The following ZNF613 variants were observed in gnomAD, a reference collection of about 807,000 sequenced individuals.
ZNF613 encodes the protein zinc finger protein 613.
Under a neutral mutation model 14.3 loss-of-function variants are expected in ZNF613, and 8 were observed. The ratio of observed to expected loss-of-function variants is 0.56; its 90% CI spans 0.33 to 1.01. The LOEUF is 1.01. ZNF613 is among the 50% of genes least tolerant of loss of function. The probability of loss-of-function intolerance (pLI) is 0.03; values close to 1 mark genes in which losing one functional copy is unlikely to be tolerated. For synonymous variants in ZNF613, 228 were observed against 254.5 expected, an observed-to-expected ratio of 0.90 and a Z score of 0.99; for missense variants, 656 against 741.9, an observed-to-expected ratio of 0.88 and a Z score of 1.35.
Position 51,937,912 on chromosome 19 carries a change from G to T in ZNF613, c.15+1677G>T, listed in dbSNP as rs534257616. ...TGCCCGGCTAATTTTTGTATTTTTAGTAGAGACAGGGTTTCACCATGTTGG... is the reference window on the plus strand; with the variant it reads ...TGCCCGGCTAATTTTTGTATTTTTATTAGAGACAGGGTTTCACCATGTTGG... On this transcript the variant is annotated intron_variant, in intron 3 of 5. Coordinates refer to ENST00000293471, the MANE Select transcript of ZNF613 (RefSeq NM_001031721.4). Among the ~76,000 whole-genome samples, 10 of 152,000 alleles carry T rather than the reference G, an allele frequency of 6.6e-5. No homozygotes were observed. The East Asian group carries it at 1.9e-3, about 29-fold the overall frequency.
intron 2 of ZNF613, among the ~76,000 whole-genome samples, chr19:51,930,553 C>T (rs909340912): frequency 3.3e-5 from 5 of 152,328 alleles, no homozygotes; most frequent in South Asian, 2.1e-4. Flanking sequence ...TGAGCCACTG[C>T]GCCCAGCCAA....
In ZNF613 at chr19:51,944,557, T is replaced by A. The variant is rs1282569929; in HGVS notation, c.674T>A (p.Val225Asp). ...KKSRLIYHQR[V>D]HTGEKPHGCS... ...TCTCGCCTCATCTATCATCAGAGAG[T>A]TCACACTGGGGAGAAACCTCATGGA... The change falls in exon 6 of 6, where the codon GTT becomes GAT. Residue 225 changes from valine to aspartate, a missense_variant. Physicochemically the swap from Val to Asp is radical, Grantham distance 152 (BLOSUM62 -3). Coordinates refer to ENST00000293471, the MANE Select transcript of ZNF613 (RefSeq NM_001031721.4). The A allele has an allele frequency of 1.2e-6, 2 of 1,613,692 alleles. No homozygotes were observed. Among genetic ancestry groups the A allele is most frequent in the Non-Finnish European group, 1.7e-6 (2 of 1,179,924 alleles).
Position 51,936,206 on chromosome 19 carries a change from C to A in ZNF613, c.-15C>A. ...AGCATCCTACTTACTGGCTATTTCC[C>A]AGTAACAAAAGAAAATGATCAAGTC... On this transcript the variant is annotated 5_prime_UTR_variant, in exon 3 of 6. Coordinates refer to ENST00000293471, the MANE Select transcript of ZNF613 (RefSeq NM_001031721.4). 6.2e-7 allele frequency: 1 copy of A among 1,604,032 alleles called. No homozygotes were observed. The highest frequency in any genetic ancestry group is 8.5e-7 in the Non-Finnish European group (1 of 1,175,064).
intron 2 of ZNF613, among the ~76,000 whole-genome samples, chr19:51,932,281 G>A (rs941862294): frequency 2.7e-5 from 4 of 150,472 alleles, no homozygotes; most frequent in African/African-American, 9.8e-5. Flanking sequence ...CGATCCCTTT[G>A]GCCTTTTCGG....
rs752598991 is a variant in ZNF613 at position 51,945,650 on chromosome 19, G to A, written c.1767G>A (p.Ala589=). 106 of 1,614,028 alleles carry A rather than the reference G, an allele frequency of 6.6e-5. No individual in the cohort carries two copies. The highest frequency in any genetic ancestry group is 3.3e-4 in the Middle Eastern group (2 of 6,084). The change falls in exon 6 of 6, where the codon GCG becomes GCA. Residue 589 remains alanine, a synonymous_variant. Transcript: ENST00000293471. ...CTCAGACCTCATTAACTAACAGTGC[G>A]TTCCAAGCAGAGAGCAAAGTAGCCA... is the stretch of plus-strand genomic sequence containing the variant. ...VAAQTSLTNS[A]FQAESKVAIV...
At chr19:51,937,613 C>T (rs1375838741) in intron 3 of ZNF613, among the ~76,000 whole-genome samples, 2 of 152,100 alleles carry the variant, frequency 1.3e-5, no homozygotes, top group African/African-American at 4.8e-5. Flanking sequence ...CACTGACTCT[C>T]AGGAGAAAGC....
Position 51,940,320 on chromosome 19 carries a change from A to G in ZNF613, c.127A>G (p.Asn43Asp), listed in dbSNP as rs752654047. The G allele has an allele frequency of 5.0e-6, 8 of 1,613,474 alleles. No homozygotes were observed. The South Asian group carries it at 8.8e-5, about 18-fold the overall frequency. Residue 43 changes from asparagine to aspartate, a missense_variant, in exon 4 of 6, where the codon AAC (asparagine) becomes GAC (aspartate). Coordinates refer to ENST00000293471, the MANE Select transcript of ZNF613 (RefSeq NM_001031721.4). The stretch of plus-strand genomic sequence containing the variant: ...AGACGTGATGTTGGAGAACTATAGC[A>G]ACCTCGTGTCAGTGGGTGAGGACAG... ...YRDVMLENYS[N>D]LVSVGYQASK...
intron 2 of ZNF613, among the ~76,000 whole-genome samples, chr19:51,933,986 A>G (rs1157105388): frequency 1.3e-5 from 2 of 151,986 alleles, no homozygotes; most frequent in African/African-American, 4.8e-5. Context: ...TTTAGTAGAG[A>G]TGGGGTTTCA....
At chr19:51,931,809 T>C (rs73065083) in intron 2 of ZNF613, among the ~76,000 whole-genome samples, 10,743 of 152,248 alleles carry the variant, frequency 0.071, 461 homozygotes, top group South Asian at 0.22. Flanking sequence ...CCGTCTCTTT[T>C]TGTAGAGTGC....
intron 2 of ZNF613, among the ~76,000 whole-genome samples, 174 bp from the exon 3 acceptor site, chr19:51,935,854 G>C (rs1425874799): frequency 6.6e-6 from 1 of 152,168 alleles, no homozygotes; most frequent in African/African-American, 2.4e-5. Context: ...CATACCTGTA[G>C]AATCTTATGT....
rs1242999422 is a variant in ZNF613 at position 51,944,582 on chromosome 19, A to C, written c.699A>C (p.Gly233=). 1.9e-6 allele frequency: 3 copies of C among 1,614,054 alleles called. No homozygotes were observed. Among genetic ancestry groups the C allele is most frequent in the Admixed American group, 3.3e-5 (2 of 59,990 alleles). The stretch of plus-strand genomic sequence containing the variant: ...TTCACACTGGGGAGAAACCTCATGG[A>C]TGCAGTATATGTGGGAAAGCCTTCT... ...QRVHTGEKPH[G]CSICGKAFSR... is the part of the protein sequence containing the mutation. Residue 233 remains glycine, a synonymous_variant, in exon 6 of 6, where the codon GGA becomes GGC. Coordinates refer to ENST00000293471, the MANE Select transcript of ZNF613 (RefSeq NM_001031721.4).
intron 3 of ZNF613, among the ~76,000 whole-genome samples, chr19:51,939,691 T>C (rs568522414): frequency 6.6e-6 from 1 of 152,310 alleles, no homozygotes; most frequent in African/African-American, 2.4e-5. Context: ...CTTAATTGTC[T>C]CTTGTTCTTT....
At chr19:51,943,263 T>C (rs1470221411) in intron 5 of ZNF613, among the ~76,000 whole-genome samples, 2 of 152,222 alleles carry the variant, frequency 1.3e-5, no homozygotes, top group Non-Finnish European at 2.9e-5. Flanking sequence ...ACAGTTTCTC[T>C]TTCTACAGTT....
rs190089809 is a variant in ZNF613, at chr19:51,944,991, A to C, written c.1108A>C (p.Lys370Gln). ...ACATCAGAAAGCTCACACAGGAGAGAAGTCATATATATGCCGTGATTGTGG... is the reference window on the plus strand; with the variant it reads ...ACATCAGAAAGCTCACACAGGAGAGCAGTCATATATATGCCGTGATTGTGG... The part of the protein sequence containing the change: ...NAHQKAHTGE[K>Q]SYICRDCGKG... Residue 370 changes from lysine to glutamine, a missense_variant, in exon 6 of 6, where the codon AAG (lysine) becomes CAG (glutamine). Lys to Gln is a moderately conservative substitution (Grantham distance 53, BLOSUM62 1). Transcript: ENST00000293471. The C allele has an allele frequency of 3.7e-6, 6 of 1,614,230 alleles. No homozygotes were observed. The East Asian group carries it at 1.3e-4, about 36-fold the overall frequency.
At position 51,927,502 on chromosome 19, in the gene ZNF613, A is replaced by C. The variant is rs978125998; in HGVS notation, c.-397A>C. 2 of 149,932 alleles carry C rather than the reference A, an allele frequency of 1.3e-5. No homozygotes were observed. The highest frequency in any genetic ancestry group is 3.0e-5 in the Non-Finnish European group (2 of 67,736). 9.3% of individuals were successfully genotyped at this position (149,932 alleles called of 1,614,324 possible). On this transcript the variant is annotated 5_prime_UTR_variant, in exon 1 of 6. Coordinates refer to ENST00000293471, the MANE Select transcript of ZNF613 (RefSeq NM_001031721.4). ...GAAGTGGAATAATTCAGGAAAGTGC[A>C]GGTTCTGGGAAGTCTCGGTGGGTTC... is the stretch of plus-strand genomic sequence containing the variant.
At chr19:51,930,252 T>TTTCACATAGCA (rs1282894314) in intron 2 of ZNF613, among the ~76,000 whole-genome samples, 1 of 152,142 alleles carries the variant, frequency 6.6e-6, no homozygotes, top group Non-Finnish European at 1.5e-5. Context: ...GACTGGTTTC[T>TTTCACATAGCA]TTCACATAGC....
In ZNF613 at chr19:51,945,859, T is replaced by C; in HGVS notation, c.*122T>C. On this transcript the variant is annotated 3_prime_UTR_variant, in exon 6 of 6. Coordinates refer to ENST00000293471, the MANE Select transcript of ZNF613 (RefSeq NM_001031721.4). ...TGGAAAGCCCTTGAATAAAACCTTATGGCTAATAAGCATATACTCAGAGAA... is the reference window on the plus strand; with the variant it reads ...TGGAAAGCCCTTGAATAAAACCTTACGGCTAATAAGCATATACTCAGAGAA... The C allele has an allele frequency of 9.2e-7, 1 of 1,082,492 alleles. No individual in the cohort carries two copies. The highest frequency in any genetic ancestry group is 1.5e-5 in the South Asian group (1 of 66,100). The allele number at this position is 1,082,492 out of a possible 1,614,324, so 67.1% of individuals were successfully genotyped here.
chr19:51,928,825 G>A (rs1472262414), intron 1 of ZNF613, among the ~76,000 whole-genome samples: 1 of 144,230 alleles, frequency 6.9e-6, no homozygotes, highest in Non-Finnish European at 1.5e-5. Flanking sequence ...CTGCACTCCA[G>A]CCTGGGCAAC....
rs2085224466 is a variant in ZNF613 at position 51,927,549 on chromosome 19, G to T, written c.-359+9G>T. On this transcript the variant is annotated intron_variant, in intron 1 of 5. Transcript: ENST00000293471. ...GTTCCCCGCAAAATCAGGTCTGTGT[G>T]TGGGTCTGTCTGTCAGGATGAGGGG... 6.5e-6 allele frequency: 1 copy of T among 152,776 alleles called. No individual in the cohort carries two copies. Among genetic ancestry groups the T allele is most frequent in the South Asian group, 2.1e-4 (1 of 4,814 alleles). The allele number at this position is 152,776 out of a possible 1,614,324, so 9.5% of individuals were successfully genotyped here.
Sources: gnomAD v4.1 joint callset for allele counts (sites outside exome capture counted in the v4.1 genomes callset) on GRCh38, gnomAD v4.1.1 for gene constraint, MANE v1.5 for transcripts, NCBI Gene and HGNC (gene_info 2026-07-23, HGNC 2026-07-21) for gene names.